The following EPHX1 variants were observed in gnomAD, a reference collection of about 807,000 sequenced individuals.
EPHX1 encodes epoxide hydratase.
EPHX1 carries 40 observed loss-of-function variants against 43.2 expected under a neutral mutation model. The ratio of observed to expected loss-of-function variants is 0.93; its 90% CI spans 0.72 to 1.21. EPHX1 has a LOEUF of 1.21. Ranked by LOEUF, EPHX1 falls within the 50% of genes most tolerant of loss-of-function variation. The pLI is 0.00. For missense variants in EPHX1, 550 were observed against 570.4 expected (o/e 0.96, Z 0.36); for synonymous variants, 221 against 226.7 (o/e 0.98, Z 0.22).
chr1:225,828,006 G>A (rs902387709), intron 1 of EPHX1, among the ~76,000 whole-genome samples: 9 of 152,148 alleles, frequency 5.9e-5, no homozygotes, highest in Non-Finnish European at 1.3e-4. Flanking sequence ...CTCCCCTGGG[G>A]GAGGGAACCC....
intron 3 of EPHX1, among the ~76,000 whole-genome samples, chr1:225,832,500 A>C (rs1215684978): frequency 2.0e-5 from 3 of 152,190 alleles, no homozygotes; most frequent in Non-Finnish European, 2.9e-5. Flanking sequence ...GCGCCACTGC[A>C]CTCCAGCCTG....
Position 225,838,762 on chromosome 1 carries a change from A to G in EPHX1, c.473A>G (p.Tyr158Cys). 3 of 1,614,114 alleles carry G rather than the reference A, an allele frequency of 1.9e-6. No individual in the cohort carries two copies. Among genetic ancestry groups the G allele is most frequent in the Non-Finnish European group, 2.5e-6 (3 of 1,180,014 alleles). The change falls in exon 4 of 9, where the codon TAT becomes TGT. Residue 158 changes from tyrosine to cysteine, a missense_variant. Physicochemically the swap from Tyr to Cys is radical, Grantham distance 194 (BLOSUM62 -2). Coordinates refer to ENST00000272167, the MANE Select transcript of EPHX1 (RefSeq NM_001136018.4). ...HGWPGSFYEFYKIIPLLTDPK... is the reference protein window; with the variant it reads ...HGWPGSFYEFCKIIPLLTDPK... ...TGGCCCGGCTCTTTCTACGAGTTTT[A>G]TAAGATCATCCCACTCCTGACTGAC... is the stretch of plus-strand genomic sequence containing the variant.
Position 225,814,407 on chromosome 1 carries a change from G to A in EPHX1, c.-6+4238G>A, listed in dbSNP as rs184661942. Among the ~76,000 whole-genome samples, 75 of 152,346 alleles carry A rather than the reference G, an allele frequency of 4.9e-4. 1 individual carries two copies. Among genetic ancestry groups the A allele is most frequent in the African/African-American group, 1.7e-3 (69 of 41,576 alleles). ...AAGAAAAACTACCTCTTCTTAAGAT[G>A]GTTGTAGTATGGGAGATGGTGTGTT... On this transcript the variant is annotated intron_variant, in intron 1 of 8. Coordinates refer to ENST00000272167, the MANE Select transcript of EPHX1 (RefSeq NM_001136018.4).
chr1:225,823,500 C>T (rs1667077598), intron 1 of EPHX1, among the ~76,000 whole-genome samples: 1 of 152,214 alleles, frequency 6.6e-6, no homozygotes. Flanking sequence ...CTCAGTCACT[C>T]GGCCCCCTCT....
chr1:225,811,006 C>A (rs1362653340), intron 1 of EPHX1, among the ~76,000 whole-genome samples: 1 of 152,164 alleles, frequency 6.6e-6, no homozygotes, highest in Non-Finnish European at 1.5e-5. Context: ...AGTTGAAATG[C>A]GCTTTCATCT....
At chr1:225,835,590 C>T (rs909547128) in intron 3 of EPHX1, among the ~76,000 whole-genome samples, 4 of 151,848 alleles carry the variant, frequency 2.6e-5, no homozygotes, top group Admixed American at 1.3e-4. Context: ...GGGGTTTCAC[C>T]GTGTTAGCCA....
chr1:225,819,805 C>T (rs186418057), intron 1 of EPHX1, among the ~76,000 whole-genome samples: 17 of 152,302 alleles, frequency 1.1e-4, no homozygotes, highest in Admixed American at 3.9e-4. Flanking sequence ...ACATTTATAA[C>T]TCTTTGTCCG....
chr1:225,844,380 A>G, intron 7 of EPHX1, 118 bp from the exon 8 acceptor site: 1 of 1,474,208 alleles, frequency 6.8e-7, no homozygotes, highest in Non-Finnish European at 9.5e-7. Flanking sequence ...ACGTTGCATG[A>G]GGTCTGAGGA....
At chr1:225,815,619 G>C (rs1031418234) in intron 1 of EPHX1, among the ~76,000 whole-genome samples, 2 of 152,282 alleles carry the variant, frequency 1.3e-5, no homozygotes, top group South Asian at 4.1e-4. Flanking sequence ...AATATTTTTA[G>C]TCTTTTGGGA....
At chr1:225,839,702 C>T in intron 5 of EPHX1, 127 bp from the exon 6 acceptor site, 1 of 1,064,346 alleles carries the variant, frequency 9.4e-7, no homozygotes, top group Middle Eastern at 2.9e-4. Context: ...CCCAGTGGGG[C>T]CAGTGCTGAA....
intron 7 of EPHX1, 29 bp from the exon 8 acceptor site, chr1:225,844,469 G>A: frequency 3.1e-6 from 5 of 1,614,060 alleles, no homozygotes; most frequent in Non-Finnish European, 4.2e-6. Context: ...GTGGCACTGA[G>A]AGTGGGGCTT....
At chr1:225,822,311 G>A (rs1361533109) in intron 1 of EPHX1, among the ~76,000 whole-genome samples, 4 of 152,152 alleles carry the variant, frequency 2.6e-5, no homozygotes, top group African/African-American at 7.2e-5. Context: ...GTTGGGAAGA[G>A]TACCTTGGCT....
chr1:225,843,138 G>A (rs1038804798), intron 7 of EPHX1, among the ~76,000 whole-genome samples: 1 of 152,234 alleles, frequency 6.6e-6, no homozygotes, highest in Non-Finnish European at 1.5e-5. Context: ...AATGCCGGGT[G>A]AACAGTGGGA....
Position 225,838,887 on chromosome 1 carries a change from G to A in EPHX1, c.592+6G>A, listed in dbSNP as rs1668129852. On this transcript the variant is annotated splice_donor_region_variant and intron_variant, in intron 4 of 8. Coordinates refer to ENST00000272167, the MANE Select transcript of EPHX1 (RefSeq NM_001136018.4). ...AGAGGCATCCTCCAAGAAGGGTACG[G>A]GGCTGCTAGAGGTTCCATAACTGCC... 1.2e-6 allele frequency: 2 copies of A among 1,613,618 alleles called. No homozygotes were observed. Among genetic ancestry groups the A allele is most frequent in the Non-Finnish European group, 1.7e-6 (2 of 1,179,660 alleles).
intron 6 of EPHX1, 83 bp downstream of exon 6, chr1:225,840,120 C>G (rs1348433305): frequency 1.3e-5 from 17 of 1,280,896 alleles, no homozygotes; most frequent in Non-Finnish European, 1.5e-5. Flanking sequence ...CCACCCCACC[C>G]CAATGCTGCC....
At position 225,839,903 on chromosome 1, in the gene EPHX1, A is replaced by G. The variant is rs1668254064; in HGVS notation, c.797A>G (p.Gln266Arg). The change falls in exon 6 of 9, where the codon CAG (glutamine) becomes CGG (arginine). Residue 266 changes from glutamine to arginine, a missense_variant. By Grantham distance (43) the Gln-to-Arg change is conservative. Coordinates refer to ENST00000272167, the MANE Select transcript of EPHX1 (RefSeq NM_001136018.4). Reference sequence around the variant, plus strand: ...TCTACCCTGACCCTCCTCCTGGGACAGCGTTTCGGGAGGTTTCTTGGCCTC... The same window carrying G: ...TCTACCCTGACCCTCCTCCTGGGACGGCGTTTCGGGAGGTTTCTTGGCCTC... The part of the protein sequence containing the change: ...NFSTLTLLLG[Q>R]RFGRFLGLTE... The G allele has an allele frequency of 6.2e-7, 1 of 1,614,216 alleles. No homozygotes were observed. The highest frequency in any genetic ancestry group is 8.5e-7 in the Non-Finnish European group (1 of 1,180,028).
chr1:225,835,874 C>T (rs1269536393), intron 3 of EPHX1, among the ~76,000 whole-genome samples: 1 of 151,962 alleles, frequency 6.6e-6, no homozygotes, highest in Non-Finnish European at 1.5e-5. Context: ...GGTACAAAAC[C>T]TCCCTCAGGT....
At chr1:225,843,701 A>T (rs1668635758) in intron 7 of EPHX1, among the ~76,000 whole-genome samples, 1 of 152,198 alleles carries the variant, frequency 6.6e-6, no homozygotes. Context: ...GTGTTCTAGA[A>T]AGAACAGGAA....
chr1:225,831,187 A>T (rs1396645134), intron 2 of EPHX1, among the ~76,000 whole-genome samples: 4 of 152,176 alleles, frequency 2.6e-5, no homozygotes, highest in African/African-American at 9.7e-5. Context: ...TTTACAGAAA[A>T]AGTTTGCCGA....
Sources: allele counts gnomAD v4.1 joint callset (sites outside exome capture counted in the v4.1 genomes callset), GRCh38; gene constraint gnomAD v4.1.1; transcripts MANE v1.5; gene names NCBI Gene and HGNC (gene_info 2026-07-23, HGNC 2026-07-21).